IFT57: variants seen among roughly 807,000 people sequenced by gnomAD.
IFT57 encodes the protein intraflagellar transport protein 57 homolog.
Under a neutral mutation model 56.8 loss-of-function variants are expected in IFT57, and 59 were observed. That is an observed-to-expected ratio of 1.04 (90% CI 0.84 to 1.29). IFT57 has a LOEUF of 1.29. IFT57 is among the 50% of genes most tolerant of loss of function. The pLI is 0.00. For synonymous variants in IFT57, 209 were observed against 186.1 expected, an observed-to-expected ratio of 1.12 and a Z score of -1.00; for missense variants, 470 against 522.1, an observed-to-expected ratio of 0.90 and a Z score of 0.97.
rs1417546368 is a variant in IFT57, at chr3:108,167,796, G to T, written c.846C>A (p.Thr282=). ...TCACGTAAAGTAATTCATATACCTT[G>T]GTCTCCTTTAGAGCAGATTCAATTC... The part of the protein sequence containing the change: ...RSGIESALKE[T]KGFLDKLHNE... The change falls in exon 7 of 11, where the codon ACC becomes ACA. Residue 282 remains threonine, a synonymous_variant. Coordinates refer to ENST00000264538, the MANE Select transcript of IFT57 (RefSeq NM_018010.4). 2 of 1,562,180 alleles carry T rather than the reference G, an allele frequency of 1.3e-6. No individual in the cohort carries two copies. The highest frequency in any genetic ancestry group is 1.4e-5 in the African/African-American group (1 of 72,710).
intron 3 of IFT57, among the ~76,000 whole-genome samples, chr3:108,215,739 A>C (rs1004253325): frequency 8.5e-5 from 13 of 152,302 alleles, no homozygotes; most frequent in Admixed American, 6.5e-4. Flanking sequence ...ATTCATCTAT[A>C]TGTAACGTCT....
Position 108,200,768 on chromosome 3 carries a change from T to C in IFT57, c.654+5860A>G, listed in dbSNP as rs141572017. ...GTGACAGATTATGAAAATAAAGCCA[T>C]GACATCACCAGGGCTTCCCAATTTA... On this transcript the variant is annotated intron_variant, in intron 5 of 10. Coordinates refer to ENST00000264538, the MANE Select transcript of IFT57 (RefSeq NM_018010.4). Among the ~76,000 whole-genome samples, 730 of 152,274 alleles carry C rather than the reference T, an allele frequency of 4.8e-3. 3 individuals are homozygous for C. Among genetic ancestry groups the C allele is most frequent in the African/African-American group, 0.016 (667 of 41,564 alleles).
chr3:108,172,392 G>GTGTTTTC (rs2080098772), intron 6 of IFT57, among the ~76,000 whole-genome samples: 1 of 151,856 alleles, frequency 6.6e-6, no homozygotes, highest in Non-Finnish European at 1.5e-5. Context: ...CAAGGGCTTT[G>GTGTTTTC]CTTATAACAA....
chr3:108,222,000 AG>A, intron 1 of IFT57, 110 bp downstream of exon 1: 1 of 1,496,440 alleles, frequency 6.7e-7, no homozygotes, highest in African/African-American at 1.4e-5. Flanking sequence ...AGGAAGACGG[AG>A]GCAAGGAATT....
At chr3:108,185,502 A>G (rs568135032) in intron 6 of IFT57, among the ~76,000 whole-genome samples, 2 of 152,162 alleles carry the variant, frequency 1.3e-5, no homozygotes, top group Admixed American at 1.3e-4. Context: ...TATGAAAAAA[A>G]GAAAAAGTGC....
At chr3:108,190,332 C>A (rs1262140466) in intron 6 of IFT57, among the ~76,000 whole-genome samples, 1 of 152,180 alleles carries the variant, frequency 6.6e-6, no homozygotes, top group East Asian at 1.9e-4. Context: ...TTTGTGTCCC[C>A]ACCCAAATCT....
At chr3:108,178,206 C>A (rs2080134204) in intron 6 of IFT57, among the ~76,000 whole-genome samples, 1 of 151,864 alleles carries the variant, frequency 6.6e-6, no homozygotes, top group Non-Finnish European at 1.5e-5. Context: ...TTTCAGTAAA[C>A]TGTCTGGGTT....
At chr3:108,167,688 C>G (rs2080069951) in intron 7 of IFT57, 105 bp downstream of exon 7, 1 of 665,242 alleles carries the variant, frequency 1.5e-6, no homozygotes, top group East Asian at 3.2e-5. Context: ...TTAGTAAGTT[C>G]CTTAAAGGCA....
At chr3:108,183,140 A>C (rs922496729) in intron 6 of IFT57, among the ~76,000 whole-genome samples, 13 of 152,078 alleles carry the variant, frequency 8.5e-5, no homozygotes, top group Non-Finnish European at 1.9e-4. Context: ...AACAAGAATA[A>C]ATATTATTAA....
intron 3 of IFT57, among the ~76,000 whole-genome samples, chr3:108,214,884 T>C (rs1445543471): frequency 1.3e-5 from 2 of 152,176 alleles, no homozygotes; most frequent in East Asian, 3.8e-4. Context: ...ATTGTTATAG[T>C]TCTTCTTAGA....
chr3:108,181,218 A>C (rs1435404681), intron 6 of IFT57, among the ~76,000 whole-genome samples: 1 of 152,042 alleles, frequency 6.6e-6, no homozygotes, highest in African/African-American at 2.4e-5. Flanking sequence ...CTGAATGTTC[A>C]ACAAGACTAT....
chr3:108,163,547 T>C, intron 10 of IFT57, 116 bp downstream of exon 10: 1 of 699,918 alleles, frequency 1.4e-6, no homozygotes, highest in South Asian at 1.8e-5. Context: ...TGAATCTCTC[T>C]TCAAACAAGC....
At chr3:108,219,063 T>C (rs1483211561) in intron 2 of IFT57, among the ~76,000 whole-genome samples, 1 of 152,132 alleles carries the variant, frequency 6.6e-6, no homozygotes, top group Non-Finnish European at 1.5e-5. Flanking sequence ...ACTGCTGTCA[T>C]GGTCTTAAGT....
At chr3:108,214,183 T>C (rs1300432241) in intron 3 of IFT57, among the ~76,000 whole-genome samples, 162 bp from the exon 4 acceptor site, 5 of 152,138 alleles carry the variant, frequency 3.3e-5, no homozygotes, top group Admixed American at 6.5e-5. Flanking sequence ...AAACTTTCTA[T>C]GTAAAAAGCA....
chr3:108,186,031 C>A (rs1158559693), intron 6 of IFT57, among the ~76,000 whole-genome samples: 1 of 152,114 alleles, frequency 6.6e-6, no homozygotes, highest in South Asian at 2.1e-4. Flanking sequence ...AACACAACAT[C>A]TCCAATTCAG....
At chr3:108,187,643 TAA>T (rs201982368) in intron 6 of IFT57, among the ~76,000 whole-genome samples, 1 of 144,804 alleles carries the variant, frequency 6.9e-6, no homozygotes, top group Non-Finnish European at 1.5e-5. Flanking sequence ...GGTGCCTGAT[TAA>T]AAAAAAAAAG....
At chr3:108,186,785 C>CCCTCCT (rs1217982438) in intron 6 of IFT57, among the ~76,000 whole-genome samples, 1 of 152,052 alleles carries the variant, frequency 6.6e-6, no homozygotes, top group Non-Finnish European at 1.5e-5. Context: ...CTCCTCTAGT[C>CCCTCCT]CCTCCTCCTT....
chr3:108,183,083 T>C (rs974930684), intron 6 of IFT57, among the ~76,000 whole-genome samples: 1 of 152,140 alleles, frequency 6.6e-6, no homozygotes, highest in African/African-American at 2.4e-5. Context: ...AAGTAGGGTT[T>C]AGTTGAAAAC....
chr3:108,172,623 G>C (rs1333654870), intron 6 of IFT57, among the ~76,000 whole-genome samples: 2 of 151,770 alleles, frequency 1.3e-5, no homozygotes, highest in African/African-American at 2.4e-5. Flanking sequence ...AGAATAGAAA[G>C]GAAGGGATGC....
Sources: allele counts gnomAD v4.1 joint callset (sites outside exome capture counted in the v4.1 genomes callset), GRCh38; gene constraint gnomAD v4.1.1; transcripts MANE v1.5; gene names NCBI Gene and HGNC (gene_info 2026-07-23, HGNC 2026-07-21).